CDYL: variants seen among roughly 807,000 people sequenced by gnomAD.
The protein encoded by CDYL is chromodomain Y-like protein.
In CDYL, 8 loss-of-function variants were observed where a neutral mutation model predicts 47.3. That is an observed-to-expected ratio of 0.17 (90% CI 0.10 to 0.31). The LOEUF is 0.31. CDYL is among the 10% of genes least tolerant of loss of function. CDYL has a pLI of 1.00. For synonymous variants in CDYL, 266 were observed against 265.0 expected, an observed-to-expected ratio of 1.00 and a Z score of -0.04; for missense variants, 471 against 701.4, an observed-to-expected ratio of 0.67 and a Z score of 3.71.
intron 3 of CDYL, among the ~76,000 whole-genome samples, chr6:4,764,593 T>C (rs1441292571): frequency 6.6e-6 from 1 of 152,188 alleles, no homozygotes; most frequent in Non-Finnish European, 1.5e-5. Flanking sequence ...CAGTCAGTTG[T>C]AGGTATCTTA....
At chr6:4,739,721 G>A (rs9405776) in intron 3 of CDYL, among the ~76,000 whole-genome samples, 11,811 of 152,142 alleles carry the variant, frequency 0.078, 501 homozygotes, top group East Asian at 0.14. Flanking sequence ...TGGGAGGTGA[G>A]GCAGGCAGAT....
chr6:4,929,232 T>G (rs1019828680), intron 2 of CDYL, among the ~76,000 whole-genome samples: 6 of 152,266 alleles, frequency 3.9e-5, no homozygotes, highest in African/African-American at 1.4e-4. Context: ...GTTGGCTTTT[T>G]TTTTTCTCTT....
At chr6:4,906,521 G>A (rs1319812357) in intron 2 of CDYL, among the ~76,000 whole-genome samples, 1 of 152,202 alleles carries the variant, frequency 6.6e-6, no homozygotes. Context: ...GGACCACACA[G>A]CCCAGACCAG....
intron 2 of CDYL, among the ~76,000 whole-genome samples, chr6:4,723,510 C>T (rs1042011937): frequency 2.0e-5 from 3 of 152,090 alleles, no homozygotes; most frequent in African/African-American, 7.2e-5. Flanking sequence ...GCATCCTGGG[C>T]TAGCAAGAGT....
chr6:4,747,844 C>T (rs1156356543), intron 3 of CDYL, among the ~76,000 whole-genome samples: 3 of 152,188 alleles, frequency 2.0e-5, no homozygotes, highest in Non-Finnish European at 2.9e-5. Context: ...TCACCATGTT[C>T]CCATGGCAGT....
At chr6:4,950,800 C>T (rs1013723134) in intron 5 of CDYL, among the ~76,000 whole-genome samples, 2 of 151,998 alleles carry the variant, frequency 1.3e-5, no homozygotes, top group Admixed American at 6.6e-5. Flanking sequence ...GGCGTGGTGG[C>T]GGGCGCCTGT....
chr6:4,775,863 G>A (rs1277607988), upstream of CDYL, among the ~76,000 whole-genome samples: 3 of 150,502 alleles, frequency 2.0e-5, no homozygotes, highest in Admixed American at 6.6e-5. This position sits in a 1 kb window ranked among gnomAD's most constrained non-coding sequence, Gnocchi z 7.0. Context: ...CACGGAGGCC[G>A]CCTCTTGGGC....
chr6:4,785,094 AT>A (rs1402212664), intron 1 of CDYL, among the ~76,000 whole-genome samples: 1 of 152,186 alleles, frequency 6.6e-6, no homozygotes, highest in Non-Finnish European at 1.5e-5. Context: ...AGTCCTCACT[AT>A]TGTGTTAAAA....
At chr6:4,906,201 C>G (rs1255532884) in intron 2 of CDYL, among the ~76,000 whole-genome samples, 1 of 152,198 alleles carries the variant, frequency 6.6e-6, no homozygotes, top group Non-Finnish European at 1.5e-5. Context: ...TATTTTTCAT[C>G]TTGCTAATGT....
At chr6:4,865,257 T>C (rs1761288054) in intron 1 of CDYL, among the ~76,000 whole-genome samples, 1 of 151,976 alleles carries the variant, frequency 6.6e-6, no homozygotes, top group Non-Finnish European at 1.5e-5. Flanking sequence ...TTCTGTAACC[T>C]CCCTTCCCGC....
At chr6:4,888,101 GT>G (rs965060887) in intron 1 of CDYL, among the ~76,000 whole-genome samples, 3 of 152,022 alleles carry the variant, frequency 2.0e-5, no homozygotes, top group African/African-American at 7.2e-5. Context: ...CGAATGTTTT[GT>G]TGAGGATTTT....
chr6:4,909,741 T>G (rs931405887), intron 2 of CDYL, among the ~76,000 whole-genome samples: 2 of 151,816 alleles, frequency 1.3e-5, no homozygotes, highest in African/African-American at 2.4e-5. Context: ...TGGCTATTTT[T>G]TTTTTTTTAT....
chr6:4,726,956 A>G (rs1386548086), intron 2 of CDYL, among the ~76,000 whole-genome samples: 1 of 152,176 alleles, frequency 6.6e-6, no homozygotes, highest in Non-Finnish European at 1.5e-5. Flanking sequence ...ATTTCCAAAA[A>G]TACCTAACAC....
chr6:4,782,526 C>T, intron 1 of CDYL, among the ~76,000 whole-genome samples: 1 of 152,178 alleles, frequency 6.6e-6, no homozygotes. Flanking sequence ...CCCACACAAA[C>T]TTAATTCTCT....
intron 1 of CDYL, among the ~76,000 whole-genome samples, chr6:4,885,886 A>G (rs966739596): frequency 5.0e-4 from 76 of 152,298 alleles, no homozygotes; most frequent in African/African-American, 1.8e-3. Context: ...TCTAGTATCC[A>G]TTAGCTATCA....
At chr6:4,803,621 C>T (rs571582280) in intron 1 of CDYL, among the ~76,000 whole-genome samples, 20 of 152,094 alleles carry the variant, frequency 1.3e-4, no homozygotes, top group Admixed American at 3.9e-4. Flanking sequence ...TGCCTGTCTG[C>T]GTGGGCTCTA....
In CDYL at chr6:4,928,463, C is replaced by T. The variant is rs193156746; in HGVS notation, c.692-7052C>T. 5.3e-5 allele frequency among the ~76,000 whole-genome samples: 8 copies of T among 152,244 alleles called. No homozygotes were observed. The East Asian group carries it at 1.4e-3, about 26-fold the overall frequency. ...TGTTGTTTAGTATGTTTTTGCAATT[C>T]TTCCCCTTGAACTAAGCTATCTCAC... is the stretch of plus-strand genomic sequence containing the variant. On this transcript the variant is annotated intron_variant, in intron 2 of 6. Transcript: ENST00000397588.
At chr6:4,874,178 T>C (rs1157927813) in intron 1 of CDYL, among the ~76,000 whole-genome samples, 2 of 152,170 alleles carry the variant, frequency 1.3e-5, no homozygotes, top group African/African-American at 4.8e-5. Flanking sequence ...CTCATATTTA[T>C]TGGCCATTTG....
intron 1 of CDYL, among the ~76,000 whole-genome samples, chr6:4,709,497 C>G (rs1270706739): frequency 6.6e-6 from 1 of 152,042 alleles, no homozygotes; most frequent in Non-Finnish European, 1.5e-5. Context: ...CACCCAGCCG[C>G]CCCCAGTCAT....
Sources: allele counts gnomAD v4.1 joint callset (sites outside exome capture counted in the v4.1 genomes callset), GRCh38; gene constraint gnomAD v4.1.1; non-coding constraint Gnocchi (gnomAD v3.1); transcripts MANE v1.5; gene names NCBI Gene and HGNC (gene_info 2026-07-23, HGNC 2026-07-21).